CNGB3: variants seen among roughly 807,000 people sequenced by gnomAD.
CNGB3 encodes cyclic nucleotide-gated channel beta-3.
Under a neutral mutation model 92.8 loss-of-function variants are expected in CNGB3, and 86 were observed. The ratio of observed to expected loss-of-function variants is 0.93; its 90% CI spans 0.78 to 1.11. CNGB3 has a LOEUF of 1.11. CNGB3 is among the 50% of genes least tolerant of loss of function. CNGB3 has a pLI of 0.00. For missense variants in CNGB3, 1,026 were observed against 956.8 expected (o/e 1.07, Z -0.95); for synonymous variants, 333 against 332.7 (o/e 1.00, Z -0.01).
chr8:86,732,470 G>C (rs572796208), intron 2 of CNGB3, among the ~76,000 whole-genome samples: 1 of 152,322 alleles, frequency 6.6e-6, no homozygotes, highest in South Asian at 2.1e-4. Flanking sequence ...GATATGCAGA[G>C]AAAACACAGC....
intron 3 of CNGB3, among the ~76,000 whole-genome samples, chr8:86,672,899 G>T (rs1387442468): frequency 6.6e-6 from 1 of 152,186 alleles, no homozygotes; most frequent in Non-Finnish European, 1.5e-5. Flanking sequence ...ACTTAAGGAT[G>T]GTAGAGACCA....
chr8:86,669,633 T>C (rs932293153), intron 4 of CNGB3, among the ~76,000 whole-genome samples: 16 of 152,198 alleles, frequency 1.1e-4, no homozygotes, highest in Admixed American at 5.9e-4. Context: ...TAGCCTCTTC[T>C]GTTTAAAAAG....
chr8:86,726,943 T>C (rs1825070451), intron 2 of CNGB3, among the ~76,000 whole-genome samples: 2 of 152,064 alleles, frequency 1.3e-5, no homozygotes, highest in Admixed American at 1.3e-4. Flanking sequence ...CATCATAGAG[T>C]GTACTTATAT....
At chr8:86,735,298 A>G (rs559546624) in intron 2 of CNGB3, among the ~76,000 whole-genome samples, 1 of 151,266 alleles carries the variant, frequency 6.6e-6, no homozygotes, top group East Asian at 1.9e-4. Context: ...ATCCACCACC[A>G]TGCCTGGCTA....
chr8:86,622,086 C>A (rs192807628), intron 13 of CNGB3, among the ~76,000 whole-genome samples: 1 of 152,260 alleles, frequency 6.6e-6, no homozygotes, highest in Non-Finnish European at 1.5e-5. Context: ...TGGTCTCCAA[C>A]TCCAAGTTGC....
intron 3 of CNGB3, among the ~76,000 whole-genome samples, chr8:86,688,459 G>T (rs532667127): frequency 4.4e-4 from 67 of 152,070 alleles, no homozygotes; most frequent in African/African-American, 1.6e-3. Context: ...TGCCTTTCCT[G>T]GAAGCACTCT....
At chr8:86,616,104 A>G (rs1315132665) in intron 13 of CNGB3, among the ~76,000 whole-genome samples, 1 of 152,178 alleles carries the variant, frequency 6.6e-6, no homozygotes, top group Non-Finnish European at 1.5e-5. Flanking sequence ...TCTTGGCAGG[A>G]ATACACACAA....
intron 3 of CNGB3, among the ~76,000 whole-genome samples, chr8:86,691,646 T>G (rs1824318924): frequency 6.6e-6 from 1 of 152,296 alleles, no homozygotes; most frequent in Non-Finnish European, 1.5e-5. Flanking sequence ...TTGCTAATGC[T>G]GTATTTATTT....
chr8:86,694,132 C>A (rs1824385571), intron 3 of CNGB3, among the ~76,000 whole-genome samples: 2 of 136,662 alleles, frequency 1.5e-5, no homozygotes. Context: ...GGGGCTGACC[C>A]CCCCACCTCC....
At chr8:86,726,704 G>T in intron 2 of CNGB3, 47 bp from the exon 3 acceptor site, 1 of 1,606,464 alleles carries the variant, frequency 6.2e-7, no homozygotes, top group South Asian at 1.1e-5. Flanking sequence ...CAACACTCTT[G>T]ACCCAGCTAT....
rs57486853 is a variant in CNGB3 at position 86,635,821 on chromosome 8, GATATATATATATATATATATAT to G, written c.1179-2950_1179-2929del. On this transcript the variant is annotated intron_variant, in intron 10 of 17. Coordinates refer to ENST00000320005, the MANE Select transcript of CNGB3 (RefSeq NM_019098.5). Reference sequence around the variant, plus strand: ...ACAATGCATCAACTGTATAACACATGATATATATATATATATATATATATATATATATATATATATATACACA... The same window carrying G: ...ACAATGCATCAACTGTATAACACATGATATATATATATATATATATACACA... 1.9e-3 allele frequency among the ~76,000 whole-genome samples: 115 copies of G among 60,596 alleles called. 1 individual carries two copies. The highest frequency in any genetic ancestry group is 0.015 in the Middle Eastern group (1 of 66). 39.8% of individuals were successfully genotyped at this position (60,596 alleles called of 152,430 possible).
At chr8:86,623,369 C>T (rs921416629) in intron 13 of CNGB3, among the ~76,000 whole-genome samples, 4 of 152,128 alleles carry the variant, frequency 2.6e-5, no homozygotes, top group African/African-American at 9.7e-5. Flanking sequence ...AAATTTATTT[C>T]TCACAGTTCT....
chr8:86,683,342 AT>A (rs1824119227), intron 3 of CNGB3, among the ~76,000 whole-genome samples: 1 of 152,282 alleles, frequency 6.6e-6, no homozygotes, highest in Middle Eastern at 3.4e-3. Flanking sequence ...CAAACTAAGC[AT>A]ATCCAAGCAG....
intron 15 of CNGB3, chr8:86,593,614 G>T (rs1276916437): frequency 4.5e-6 from 2 of 440,422 alleles, no homozygotes; most frequent in Non-Finnish European, 8.4e-6. Context: ...ATGAGAGGTG[G>T]TGGCTATAAG....
At chr8:86,688,280 A>G (rs1036772270) in intron 3 of CNGB3, among the ~76,000 whole-genome samples, 6 of 152,204 alleles carry the variant, frequency 3.9e-5, no homozygotes, top group Admixed American at 6.5e-5. Context: ...TTTGTTCTCT[A>G]AAACTACACG....
chr8:86,724,754 A>G (rs552031883), intron 3 of CNGB3, among the ~76,000 whole-genome samples: 27 of 152,088 alleles, frequency 1.8e-4, no homozygotes, highest in Non-Finnish European at 2.5e-4. Context: ...TGAAGAATGA[A>G]TAGAAGTTAA....
intron 3 of CNGB3, among the ~76,000 whole-genome samples, chr8:86,694,164 C>T (rs71502661): frequency 0.18 from 21,612 of 121,332 alleles, 2,309 homozygotes; most frequent in South Asian, 0.25. Context: ...GGCGGCTGGC[C>T]GGGCGGGGGG....
intron 3 of CNGB3, among the ~76,000 whole-genome samples, chr8:86,675,875 G>T (rs12548650): frequency 2.2e-4 from 33 of 152,254 alleles, no homozygotes; most frequent in Admixed American, 2.0e-3. Flanking sequence ...AGAGGCACAG[G>T]CCAACAAAAT....
chr8:86,587,691 A>G (rs1408105126), intron 15 of CNGB3, among the ~76,000 whole-genome samples: 2 of 150,386 alleles, frequency 1.3e-5, no homozygotes, highest in South Asian at 2.1e-4. Context: ...TGTTCCATTG[A>G]TCTATATCTC....
Sources: gnomAD v4.1 joint callset for allele counts (sites outside exome capture counted in the v4.1 genomes callset) on GRCh38, gnomAD v4.1.1 for gene constraint, MANE v1.5 for transcripts, NCBI Gene and HGNC (gene_info 2026-07-23, HGNC 2026-07-21) for gene names.